ZNF778: variants seen among roughly 807,000 people sequenced by gnomAD.
ZNF778 encodes the protein zinc finger protein 778.
In ZNF778, 37 loss-of-function variants were observed where a neutral mutation model predicts 23.9. That is an observed-to-expected ratio of 1.54 (90% CI 1.19 to 2.03). The LOEUF is 2.03. Among genes scored for constraint, ZNF778 ranks in the 30% most tolerant of loss-of-function variants. ZNF778 has a pLI of 0.00. For synonymous variants in ZNF778, 483 were observed against 343.9 expected, an observed-to-expected ratio of 1.40 and a Z score of -4.48; for missense variants, 1,297 against 934.4, an observed-to-expected ratio of 1.39 and a Z score of -5.06.
Position 89,229,212 on chromosome 16 carries a change from A to G in ZNF778, c.*650A>G. ...AGATGTGATCCTGTGTGAGCAGTGT[A>G]GGCTCTGGTTGGTTAGTCTTGAGGA... On this transcript the variant is annotated 3_prime_UTR_variant, in exon 7 of 7. Transcript: ENST00000433976. 1.0e-6 allele frequency: 1 copy of G among 985,768 alleles called. No homozygotes were observed. Among genetic ancestry groups the G allele is most frequent in the Non-Finnish European group, 1.2e-6 (1 of 830,172 alleles). The allele number at this position is 985,768 out of a possible 1,614,324, so 61.1% of individuals were successfully genotyped here. A position where few individuals can be genotyped will look rare whatever the true frequency, so the allele number is the denominator to read the frequency against.
intron 1 of ZNF778, among the ~76,000 whole-genome samples, chr16:89,218,977 C>T (rs896437177): frequency 4.6e-5 from 7 of 151,360 alleles, no homozygotes; most frequent in South Asian, 2.1e-4. Flanking sequence ...CATGGTGGCG[C>T]ATGCCTGTAA....
rs1473580594 is a variant in ZNF778 at position 89,226,946 on chromosome 16, AC to A, written c.659del (p.Thr220IlefsTer43). 2 of 1,614,006 alleles carry A rather than the reference AC, an allele frequency of 1.2e-6. No homozygotes were observed. Among genetic ancestry groups the A allele is most frequent in the Admixed American group, 1.7e-5 (1 of 60,026 alleles). ...TPNVVSQQAC[T>X]RDRSLDYSSC... ...AAATGTTGTTTCCCAGCAAGCATGCACTCGGGACAGATCTCTTGACTACAGC... is the reference window on the plus strand; with the variant it reads ...AAATGTTGTTTCCCAGCAAGCATGCATCGGGACAGATCTCTTGACTACAGC... On this transcript the variant is annotated frameshift_variant, in exon 7 of 7. Transcript: ENST00000433976. LOFTEE classifies it low-confidence loss of function (END_TRUNC).
rs750810133 is a variant in ZNF778, at chr16:89,226,845, G to C, written c.557G>C (p.Cys186Ser). 3.7e-6 allele frequency: 6 copies of C among 1,613,980 alleles called. No individual in the cohort carries two copies. In the East Asian group the frequency reaches 1.3e-4, roughly 36 times the overall value. Residue 186 changes from cysteine (C) to serine (S), a missense_variant, in exon 7 of 7, where the codon TGC becomes TCC. Coordinates refer to ENST00000433976, the MANE Select transcript of ZNF778 (RefSeq NM_001201407.2). The stretch of plus-strand genomic sequence containing the variant: ...TATGAAAGGGACTTTTTTATTCCAT[G>C]CCAGAAAACCTTGTTCAAAATTGGA... The part of the protein sequence containing the change: ...NHYERDFFIP[C>S]QKTLFKIGEQ...
Position 89,232,424 on chromosome 16 carries a change from C to T in ZNF778, c.*3862C>T, listed in dbSNP as rs151029181. 6.3e-5 allele frequency: 21 copies of T among 333,798 alleles called. No homozygotes were observed. The East Asian group carries it at 1.7e-3, about 27-fold the overall frequency. The allele number at this position is 333,798 out of a possible 1,614,324, so 20.7% of individuals were successfully genotyped here. A position where few individuals can be genotyped will look rare whatever the true frequency, so the allele number is the denominator to read the frequency against. On this transcript the variant is annotated 3_prime_UTR_variant, in exon 7 of 7. Transcript: ENST00000433976. ...CCACAGCCTCAGATATGTAGCAACA[C>T]AGACAGACTAAGACACCAAGCATGA...
chr16:89,219,168 C>T (rs1451108833), intron 1 of ZNF778, among the ~76,000 whole-genome samples: 3 of 150,352 alleles, frequency 2.0e-5, no homozygotes, highest in African/African-American at 7.5e-5. Context: ...TGTGTAATAT[C>T]TAGGATTCTC....
chr16:89,226,293 C>A (rs1225772982), intron 6 of ZNF778, among the ~76,000 whole-genome samples: 1 of 152,076 alleles, frequency 6.6e-6, no homozygotes, highest in Non-Finnish European at 1.5e-5. Flanking sequence ...GCAACCTCTG[C>A]CTCCCTGGTT....
rs1355545792 is a variant in ZNF778 at position 89,222,083 on chromosome 16, G to T, written c.26-9G>T. Reference sequence around the variant, plus strand: ...GTTCTCATGCCTTCTTGCCTTCTTTGTTTTTTAGGAGGTCATGTTTCTAGG... The same window carrying T: ...GTTCTCATGCCTTCTTGCCTTCTTTTTTTTTTAGGAGGTCATGTTTCTAGG... On this transcript the variant is annotated splice_polypyrimidine_tract_variant and intron_variant, in intron 2 of 6. Transcript: ENST00000433976. The T allele has an allele frequency of 6.3e-7, 1 of 1,586,608 alleles. No homozygotes were observed. The highest frequency in any genetic ancestry group is 1.7e-5 in the Admixed American group (1 of 57,360).
chr16:89,227,660 T>G lies in ZNF778; in HGVS notation c.1372T>G (p.Phe458Val), dbSNP rs1480959389. The change falls in exon 7 of 7, where the codon TTC becomes GTC. Residue 458 changes from phenylalanine to valine, a missense_variant. Transcript: ENST00000433976. ...CACGTGTAAGGACTGCGGGAAAGCC[T>G]TCTGTACATCCTCGGGCCTTACTGA... is the stretch of plus-strand genomic sequence containing the variant. ...PYTCKDCGKA[F>V]CTSSGLTEHV... 19 of 1,614,036 alleles carry G rather than the reference T, an allele frequency of 1.2e-5. No homozygotes were observed. Among genetic ancestry groups the G allele is most frequent in the Non-Finnish European group, 1.4e-5 (17 of 1,180,012 alleles).
chr16:89,224,395 G>A (rs1356673288), intron 4 of ZNF778, among the ~76,000 whole-genome samples: 8 of 152,180 alleles, frequency 5.3e-5, no homozygotes, highest in Non-Finnish European at 1.0e-4. Flanking sequence ...CGGGGTGGGC[G>A]GATCACAAGG....
rs2031526242 is a variant in ZNF778, at chr16:89,226,947, C to G, written c.659C>G (p.Thr220Ser). The change falls in exon 7 of 7, where the codon ACT becomes AGT. Residue 220 changes from threonine to serine, a missense_variant. By Grantham distance (58) the Thr-to-Ser change is moderately conservative. Coordinates refer to ENST00000433976, the MANE Select transcript of ZNF778 (RefSeq NM_001201407.2). The part of the protein sequence containing the change: ...TPNVVSQQAC[T>S]RDRSLDYSSC... ...AATGTTGTTTCCCAGCAAGCATGCA[C>G]TCGGGACAGATCTCTTGACTACAGC... 6.2e-7 allele frequency: 1 copy of G among 1,614,026 alleles called. No homozygotes were observed. Among genetic ancestry groups the G allele is most frequent in the African/African-American group, 1.3e-5 (1 of 75,046 alleles).
intron 2 of ZNF778, among the ~76,000 whole-genome samples, chr16:89,221,719 A>G (rs535257584): frequency 6.8e-6 from 1 of 146,688 alleles, no homozygotes; most frequent in African/African-American, 2.5e-5. Context: ...GAGGCACTGT[A>G]TGGCTGTGTG....
intron 2 of ZNF778, 38 bp downstream of exon 2, chr16:89,221,190 C>G: frequency 6.7e-7 from 1 of 1,487,138 alleles, no homozygotes; most frequent in African/African-American, 1.5e-5. Flanking sequence ...AGCCTCTGCT[C>G]TAGGTCCTGA....
chr16:89,219,930 G>A (rs2030756146), intron 1 of ZNF778, among the ~76,000 whole-genome samples: 1 of 152,234 alleles, frequency 6.6e-6, no homozygotes, highest in South Asian at 2.1e-4. Flanking sequence ...TGCTGAACTC[G>A]TAGAAACTAT....
rs1597370319 is a variant in ZNF778 at position 89,232,329 on chromosome 16, G to A, written c.*3767G>A. 3.9e-6 allele frequency: 1 copy of A among 253,834 alleles called. No homozygotes were observed. The highest frequency in any genetic ancestry group is 1.0e-4 in the East Asian group (1 of 9,600). The allele number at this position is 253,834 out of a possible 1,614,324, so 15.7% of individuals were successfully genotyped here. A position where few individuals can be genotyped will look rare whatever the true frequency, so the allele number is the denominator to read the frequency against. On this transcript the variant is annotated 3_prime_UTR_variant, in exon 7 of 7. Transcript: ENST00000433976. ...CAGCAAATAGTCCTCACCAGAAGCA[G>A]GTCAGATGCCAGTGCTATGCTTGCA...
chr16:89,229,058 T>C lies in ZNF778; in HGVS notation c.*496T>C. 6.1e-6 allele frequency: 6 copies of C among 991,538 alleles called. No homozygotes were observed. The highest frequency in any genetic ancestry group is 7.2e-6 in the Non-Finnish European group (6 of 833,990). The allele number at this position is 991,538 out of a possible 1,614,324, so 61.4% of individuals were successfully genotyped here. The stretch of plus-strand genomic sequence containing the variant: ...TGTCTTTCTGGGGGTTCTGTAGACG[T>C]ATTTTGAATCTTTATGATGCTGCAC... On this transcript the variant is annotated 3_prime_UTR_variant, in exon 7 of 7. Transcript: ENST00000433976.
In ZNF778 at chr16:89,232,976, A is replaced by T. The variant is rs2032029085; in HGVS notation, c.*4414A>T. The T allele has an allele frequency of 2.4e-6, 3 of 1,261,568 alleles. 1 individual carries two copies. The South Asian group carries it at 4.0e-5, about 17-fold the overall frequency. The allele number at this position is 1,261,568 out of a possible 1,614,324, so 78.1% of individuals were successfully genotyped here. ...TCAGCTCGCTCTGCGTATGCAACTGAGCTCGCTCTGCGTATGCAACCCAGC... is the reference window on the plus strand; with the variant it reads ...TCAGCTCGCTCTGCGTATGCAACTGTGCTCGCTCTGCGTATGCAACCCAGC... On this transcript the variant is annotated 3_prime_UTR_variant, in exon 7 of 7. Coordinates refer to ENST00000433976, the MANE Select transcript of ZNF778 (RefSeq NM_001201407.2).
Position 89,227,406 on chromosome 16 carries a change from C to G in ZNF778, c.1118C>G (p.Ala373Gly), listed in dbSNP as rs759554217. ...KPYECKDCGK[A>G]CGGFYLLNEH... ...TATGAATGTAAGGACTGTGGGAAAGCCTGCGGTGGGTTTTATCTACTGAAT... is the reference window on the plus strand; with the variant it reads ...TATGAATGTAAGGACTGTGGGAAAGGCTGCGGTGGGTTTTATCTACTGAAT... Residue 373 changes from alanine (A) to glycine (G), a missense_variant, in exon 7 of 7, where the codon GCC (alanine) becomes GGC (glycine). Coordinates refer to ENST00000433976, the MANE Select transcript of ZNF778 (RefSeq NM_001201407.2). The G allele has an allele frequency of 6.2e-7, 1 of 1,613,968 alleles. No individual in the cohort carries two copies. The highest frequency in any genetic ancestry group is 8.5e-7 in the Non-Finnish European group (1 of 1,179,880).
intron 1 of ZNF778, 59 bp from the exon 2 acceptor site, chr16:89,220,938 C>G (rs2030872480): frequency 3.3e-6 from 2 of 610,242 alleles, no homozygotes; most frequent in Non-Finnish European, 5.8e-6. Flanking sequence ...TCTGCAGAAA[C>G]AAGCTAATGC....
rs1228577894 is a variant in ZNF778, at chr16:89,228,533, C to G, written c.2245C>G (p.Gln749Glu). The G allele has an allele frequency of 1.3e-6, 2 of 1,593,440 alleles. No homozygotes were observed. The highest frequency in any genetic ancestry group is 1.7e-6 in the Non-Finnish European group (2 of 1,172,404). The change falls in exon 7 of 7, where the codon CAA (glutamine) becomes GAA (glutamate). Residue 749 changes from glutamine to glutamate, a missense_variant. Coordinates refer to ENST00000433976, the MANE Select transcript of ZNF778 (RefSeq NM_001201407.2). The stretch of plus-strand genomic sequence containing the variant: ...TTCCTCATGCCTTAACCATCACACT[C>G]AAATTCACACTGATGAGAAACCTTT... ...KNSSCLNHHT[Q>E]IHTDEKPF is the part of the protein sequence containing the mutation.
Sources: allele counts gnomAD v4.1 joint callset (sites outside exome capture counted in the v4.1 genomes callset), GRCh38; gene constraint gnomAD v4.1.1; transcripts MANE v1.5; gene names NCBI Gene and HGNC (gene_info 2026-07-23, HGNC 2026-07-21).